The following ETV6 variants were observed in gnomAD, a reference collection of about 807,000 sequenced individuals.
ETV6 encodes the protein ETS variant transcription factor 6, also known as transcription factor ETV6.
A neutral mutation model predicts 51.1 loss-of-function variants in ETV6; 16 were observed. That is an observed-to-expected ratio of 0.31 (90% CI 0.21 to 0.48). The LOEUF is 0.48. ETV6 is among the 20% of genes least tolerant of loss of function. ETV6 has a pLI of 0.99. For synonymous variants in ETV6, 240 were observed against 224.1 expected (o/e 1.07, Z -0.64); for missense variants, 458 against 594.8 (o/e 0.77, Z 2.39).
rs367968074 is a variant in ETV6, at chr12:11,890,410, G to A, written c.1254-531G>A. ...CGTGATCCCAAAGGGTGCTCACTAC[G>A]TCACAGACAGCCTAGACTTTTTTTT... On this transcript the variant is annotated intron_variant, in intron 7 of 7. Coordinates refer to ENST00000396373, the MANE Select transcript of ETV6 (RefSeq NM_001987.5). Among the ~76,000 whole-genome samples the A allele has an allele frequency of 9.3e-5, 14 of 150,342 alleles. No individual in the cohort carries two copies. The South Asian group carries it at 1.5e-3, about 16-fold the overall frequency.
intron 1 of ETV6, among the ~76,000 whole-genome samples, chr12:11,716,046 T>A (rs192968051): frequency 6.6e-6 from 1 of 152,186 alleles, no homozygotes; most frequent in African/African-American, 2.4e-5. Flanking sequence ...AAGCAACATC[T>A]TGCTTATTAC....
chr12:11,659,574 CT>C (rs1292874121), intron 1 of ETV6, among the ~76,000 whole-genome samples: 3 of 152,154 alleles, frequency 2.0e-5, no homozygotes, highest in Non-Finnish European at 4.4e-5. Flanking sequence ...GGACTTATCT[CT>C]TTGATGAGGT....
intron 7 of ETV6, among the ~76,000 whole-genome samples, chr12:11,889,368 C>T (rs77997278): frequency 6.6e-6 from 1 of 152,262 alleles, no homozygotes; most frequent in African/African-American, 2.4e-5. Context: ...GAGATTAGTC[C>T]ATTTTGAGGA....
At chr12:11,810,062 G>A (rs1048597409) in intron 2 of ETV6, among the ~76,000 whole-genome samples, 5 of 152,014 alleles carry the variant, frequency 3.3e-5, no homozygotes, top group Admixed American at 2.6e-4. Flanking sequence ...CTCGTGATCC[G>A]CCCACTTCAA....
At chr12:11,839,866 C>T (rs1470420733) in intron 3 of ETV6, among the ~76,000 whole-genome samples, 8 of 152,042 alleles carry the variant, frequency 5.3e-5, no homozygotes, top group Admixed American at 1.3e-4. Context: ...GGTGACAGAG[C>T]GAGAACCTGT....
chr12:11,744,822 C>T (rs546459293), intron 1 of ETV6, among the ~76,000 whole-genome samples: 49 of 152,230 alleles, frequency 3.2e-4, no homozygotes, highest in African/African-American at 1.2e-3. Context: ...TCATAGACCT[C>T]CCTGGTAACC....
At chr12:11,802,914 C>T (rs1269255727) in intron 2 of ETV6, among the ~76,000 whole-genome samples, 1 of 152,140 alleles carries the variant, frequency 6.6e-6, no homozygotes, top group Non-Finnish European at 1.5e-5. Flanking sequence ...TTATTGTAAG[C>T]CCTGTCCTTA....
At chr12:11,742,649 C>A (rs1331432158) in intron 1 of ETV6, among the ~76,000 whole-genome samples, 1 of 152,072 alleles carries the variant, frequency 6.6e-6, no homozygotes, top group Non-Finnish European at 1.5e-5. Context: ...AACATAAAGA[C>A]AAGTTTAATT....
At chr12:11,856,119 G>C (rs1041029966) in intron 4 of ETV6, among the ~76,000 whole-genome samples, 1 of 152,130 alleles carries the variant, frequency 6.6e-6, no homozygotes, top group African/African-American at 2.4e-5. Flanking sequence ...CCTTTGGCCT[G>C]ATTTGACTCA....
chr12:11,839,064 C>A, intron 2 of ETV6, 76 bp from the exon 3 acceptor site: 2 of 1,465,404 alleles, frequency 1.4e-6, no homozygotes, highest in Non-Finnish European at 1.9e-6. Context: ...TATTCAGAGA[C>A]CTTCTCCCTT....
chr12:11,840,019 C>G (rs1208493992), intron 3 of ETV6, among the ~76,000 whole-genome samples: 1 of 152,076 alleles, frequency 6.6e-6, no homozygotes, highest in African/African-American at 2.4e-5. Context: ...GAAAATAGAA[C>G]TGGGGGAACT....
intron 1 of ETV6, among the ~76,000 whole-genome samples, chr12:11,679,749 A>G (rs1327142883): frequency 1.3e-5 from 2 of 152,308 alleles, no homozygotes; most frequent in Non-Finnish European, 2.9e-5. Context: ...TCTTTCATAG[A>G]CCATGTATCA....
rs59152213 is a variant in ETV6, at chr12:11,880,032, TAAAAA to T, written c.1010-4398_1010-4394del. Among the ~76,000 whole-genome samples the T allele has an allele frequency of 8.5e-5, 10 of 117,870 alleles. No individual in the cohort carries two copies. The South Asian group carries it at 1.1e-3, about 13-fold the overall frequency. 77.3% of individuals were successfully genotyped at this position (117,870 alleles called of 152,430 possible). ...TGACATGGCTTGAATGTCAATTGTT[TAAAAA>T]AAAAAAAAAAAAAAGGAAAAAAAAT... On this transcript the variant is annotated intron_variant, in intron 5 of 7. Coordinates refer to ENST00000396373, the MANE Select transcript of ETV6 (RefSeq NM_001987.5).
At chr12:11,794,125 A>C (rs1033164566) in intron 2 of ETV6, among the ~76,000 whole-genome samples, 5 of 152,178 alleles carry the variant, frequency 3.3e-5, no homozygotes, top group African/African-American at 1.2e-4. Context: ...ATGGGAACCC[A>C]CGGAAGTCAG....
intron 3 of ETV6, among the ~76,000 whole-genome samples, chr12:11,844,817 T>G (rs1946437433): frequency 6.6e-6 from 1 of 151,510 alleles, no homozygotes; most frequent in Non-Finnish European, 1.5e-5. Context: ...GTCACTTACG[T>G]GAAAGTCATT....
intron 3 of ETV6, chr12:11,840,804 C>A (rs1319161283): frequency 3.7e-6 from 1 of 269,114 alleles, no homozygotes; most frequent in African/African-American, 2.2e-5. Context: ...ATCATCAATT[C>A]TGTATGTAAT....
chr12:11,705,192 G>A (rs1005925223), intron 1 of ETV6, among the ~76,000 whole-genome samples: 1 of 152,200 alleles, frequency 6.6e-6, no homozygotes, highest in Non-Finnish European at 1.5e-5. Context: ...GCTAAGAACA[G>A]GAGACACATA....
intron 1 of ETV6, among the ~76,000 whole-genome samples, chr12:11,696,036 A>AG (rs1864872955): frequency 6.6e-6 from 1 of 152,098 alleles, no homozygotes; most frequent in Non-Finnish European, 1.5e-5. Context: ...GAAAAAAAAA[A>AG]GAAACTTTTT....
chr12:11,753,885 T>C (rs2856339), intron 2 of ETV6, among the ~76,000 whole-genome samples: 6,805 of 152,308 alleles, frequency 0.045, 171 homozygotes, highest in African/African-American at 0.082. Flanking sequence ...TTCTGCTTCA[T>C]TTGGGCAGGG....
Sources: gnomAD v4.1 joint callset for allele counts (sites outside exome capture counted in the v4.1 genomes callset) on GRCh38, gnomAD v4.1.1 for gene constraint, MANE v1.5 for transcripts, NCBI Gene and HGNC (gene_info 2026-07-23, HGNC 2026-07-21) for gene names.